PCLO: variants seen among roughly 807,000 people sequenced by gnomAD.
PCLO encodes the protein protein piccolo.
A neutral mutation model predicts 427.5 loss-of-function variants in PCLO; 82 were observed. That is an observed-to-expected ratio of 0.19 (90% confidence interval 0.16 to 0.23). PCLO has a LOEUF of 0.23. Among genes scored for constraint, PCLO ranks in the 10% least tolerant of loss-of-function variants. The pLI, the probability that PCLO is intolerant of heterozygous loss-of-function variation, is 1.00. For synonymous variants in PCLO, 2,357 were observed against 2,155.4 expected (o/e 1.09, Z -2.59); for missense variants, 6,239 against 6,115.9 (o/e 1.02, Z -0.67).
intron 3 of PCLO, among the ~76,000 whole-genome samples, chr7:82,969,892 T>C (rs1795863058): frequency 6.6e-6 from 1 of 152,100 alleles, no homozygotes; most frequent in African/African-American, 2.4e-5. Flanking sequence ...GGCCTTAAAA[T>C]AGATATGTTA....
intron 2 of PCLO, among the ~76,000 whole-genome samples, chr7:83,142,981 T>G (rs920078923): frequency 6.6e-6 from 1 of 152,160 alleles, no homozygotes. Context: ...CAAACACTTA[T>G]GCTTACTTTT....
Position 82,914,887 on chromosome 7 carries a change from C to A in PCLO, c.13099G>T (p.Val4367Phe). The change falls in exon 7 of 25, where the codon GTT becomes TTT. Residue 4367 changes from valine to phenylalanine, a missense_variant. Physicochemically the swap from Val to Phe is conservative, Grantham distance 50. Around this residue, in one of 5 missense-constraint regions of PCLO, gnomAD observed 680 missense variants for 677.3 expected, o/e 1.00. Coordinates refer to ENST00000333891, the MANE Select transcript of PCLO (RefSeq NM_033026.6). ...CTGGCCATTCCCATTGGCTGGCCAA[C>A]AGGACTGAGTGGGCTTTCTTCTTCA... ...NSEEESPLSP[V>F]GQPMGMARAA... 1 of 1,613,606 alleles carries A rather than the reference C, an allele frequency of 6.2e-7. No homozygotes were observed. Among genetic ancestry groups the A allele is most frequent in the Non-Finnish European group, 8.5e-7 (1 of 1,179,728 alleles).
chr7:83,041,476 G>A (rs1788971511), intron 3 of PCLO, among the ~76,000 whole-genome samples: 1 of 152,110 alleles, frequency 6.6e-6, no homozygotes, highest in African/African-American at 2.4e-5. Flanking sequence ...ATTATTTACT[G>A]TAACAGGGAG....
chr7:82,769,503 T>C (rs533911064), intron 22 of PCLO, among the ~76,000 whole-genome samples: 2 of 152,292 alleles, frequency 1.3e-5, no homozygotes, highest in African/African-American at 2.4e-5. Context: ...GTGAGTTTAC[T>C]GTCTCTCAGA....
rs1461879664 is a variant in PCLO at position 82,953,330 on chromosome 7, A to C, written c.7623T>G (p.Ser2541Arg). The C allele has an allele frequency of 6.2e-7, 1 of 1,613,796 alleles. No individual in the cohort carries two copies. Among genetic ancestry groups the C allele is most frequent in the East Asian group, 2.2e-5 (1 of 44,838 alleles). Residue 2541 changes from serine (S) to arginine (R), a missense_variant, in exon 5 of 25, where the codon AGT becomes AGG. By Grantham distance (110) the Ser-to-Arg change is moderately radical. Coordinates refer to ENST00000333891, the MANE Select transcript of PCLO (RefSeq NM_033026.6). ...PKPTGLSLTS[S>R]MTLNLVTSAD... is the part of the protein sequence containing the mutation. ...CTGAAGTCACTAAATTTAAGGTCAT[A>C]CTTGAAGTTAAAGATAGGCCTGTTG... is the stretch of plus-strand genomic sequence containing the variant.
intron 3 of PCLO, among the ~76,000 whole-genome samples, chr7:83,048,770 A>T (rs1789162160): frequency 6.6e-6 from 1 of 151,974 alleles, no homozygotes; most frequent in African/African-American, 2.4e-5. Context: ...CTCTATTCTC[A>T]CCTACTGATG....
At chr7:83,073,978 G>C (rs1215107885) in intron 3 of PCLO, among the ~76,000 whole-genome samples, 1 of 151,476 alleles carries the variant, frequency 6.6e-6, no homozygotes, top group Non-Finnish European at 1.5e-5. Flanking sequence ...TACCATTTGG[G>C]GGGTACTAAA....
chr7:83,022,927 C>A (rs1788381655), intron 3 of PCLO, among the ~76,000 whole-genome samples: 3 of 152,086 alleles, frequency 2.0e-5, no homozygotes, highest in Admixed American at 6.6e-5. Context: ...CTAGATCTTG[C>A]AAATTATCCT....
chr7:82,890,434 T>C (rs777240809), intron 9 of PCLO, among the ~76,000 whole-genome samples: 1 of 151,930 alleles, frequency 6.6e-6, no homozygotes, highest in Non-Finnish European at 1.5e-5. Flanking sequence ...CCACAGACTT[T>C]TCCCATACCT....
chr7:83,070,386 T>C (rs903680530), intron 3 of PCLO, among the ~76,000 whole-genome samples: 1 of 133,848 alleles, frequency 7.5e-6, no homozygotes, highest in Non-Finnish European at 1.5e-5. Context: ...CTACGTTTTG[T>C]GGTTTTTTTT....
chr7:82,953,781 C>A lies in PCLO; in HGVS notation c.7172G>T (p.Arg2391Leu). Residue 2391 changes from arginine to leucine, a missense_variant, in exon 5 of 25, where the codon CGC (arginine) becomes CTC (leucine). This residue lies in a region of PCLO where 4,677 missense variants were observed against 4,468.4 expected (regional missense o/e 1.05). Coordinates refer to ENST00000333891, the MANE Select transcript of PCLO (RefSeq NM_033026.6). Reference protein sequence around the residue: ...PSVSSLPAKPRPFFRSSSLDI... With the variant: ...PSVSSLPAKPLPFFRSSSLDI... ...CAAAGAAGAACTTCTAAAGAATGGG[C>A]GAGGTTTAGCTGGAAGAGAGGAAAC... The A allele has an allele frequency of 6.3e-7, 1 of 1,580,296 alleles. No homozygotes were observed. The highest frequency in any genetic ancestry group is 1.1e-5 in the South Asian group (1 of 87,750).
chr7:82,786,968 G>A (rs376091074), intron 22 of PCLO, among the ~76,000 whole-genome samples: 2 of 151,716 alleles, frequency 1.3e-5, no homozygotes, highest in Non-Finnish European at 2.9e-5. Flanking sequence ...TATGTGCCAC[G>A]TTTTCTTTAT....
chr7:83,039,781 T>C (rs1167787840), intron 3 of PCLO, among the ~76,000 whole-genome samples: 1 of 152,136 alleles, frequency 6.6e-6, no homozygotes, highest in East Asian at 1.9e-4. Flanking sequence ...TGGATGAAGT[T>C]GGAGAGCACT....
At chr7:82,865,873 C>T (rs2115946352) in intron 10 of PCLO, among the ~76,000 whole-genome samples, 1 of 152,188 alleles carries the variant, frequency 6.6e-6, no homozygotes, top group South Asian at 2.1e-4. Flanking sequence ...CTACTCTTTA[C>T]CTCTTTAAAA....
rs956375264 is a variant in PCLO at position 82,952,622 on chromosome 7, A to T, written c.8331T>A (p.Asn2777Lys). The T allele has an allele frequency of 6.2e-7, 1 of 1,613,892 alleles. No individual in the cohort carries two copies. Among genetic ancestry groups the T allele is most frequent in the African/African-American group, 1.3e-5 (1 of 75,036 alleles). The change falls in exon 5 of 25, where the codon AAT becomes AAA. Residue 2777 changes from asparagine (N) to lysine (K), a missense_variant. Asn to Lys is a moderately conservative substitution (Grantham distance 94, BLOSUM62 0). Around this residue, in one of 5 missense-constraint regions of PCLO, gnomAD observed 4,677 missense variants for 4,468.4 expected, o/e 1.05. Transcript: ENST00000333891. ...TCACTATTGATGATGTCACACTAAGATTTATAATAGAGGGTTGGACAGCAC... is the reference window on the plus strand; with the variant it reads ...TCACTATTGATGATGTCACACTAAGTTTTATAATAGAGGGTTGGACAGCAC... ...QISAVQPSII[N>K]LSVTSSIVTP...
rs1454371072 is a variant in PCLO at position 83,162,525 on chromosome 7, C to A, written c.68G>T (p.Gly23Val). Reference sequence around the variant, plus strand: ...GCTCCCCGCCCCGCTAGCTCCTCCTCCAGCCGCTGCGGCCGCCGCCAGCCC... The same window carrying A: ...GCTCCCCGCCCCGCTAGCTCCTCCTACAGCCGCTGCGGCCGCCGCCAGCCC... ...PEGLAAAAAA[G>V]GGASGAGSPS... Residue 23 changes from glycine (G) to valine (V), a missense_variant, in exon 1 of 25, where the codon GGA becomes GTA. By Grantham distance (109) the Gly-to-Val change is moderately radical. This residue lies in a region of PCLO where 4,677 missense variants were observed against 4,468.4 expected (regional missense o/e 1.05). Transcript: ENST00000333891. 1.9e-6 allele frequency: 3 copies of A among 1,556,668 alleles called. No homozygotes were observed. The highest frequency in any genetic ancestry group is 2.6e-6 in the Non-Finnish European group (3 of 1,151,372).
intron 3 of PCLO, among the ~76,000 whole-genome samples, chr7:82,993,548 T>C (rs1796426138): frequency 6.6e-6 from 1 of 152,078 alleles, no homozygotes; most frequent in Non-Finnish European, 1.5e-5. Context: ...GTGGAAATAA[T>C]TAACAAGCAG....
At chr7:83,095,515 C>T (rs1261951805) in intron 3 of PCLO, among the ~76,000 whole-genome samples, 1 of 151,600 alleles carries the variant, frequency 6.6e-6, no homozygotes, top group Admixed American at 6.6e-5. Context: ...AAGGTAGGAG[C>T]TTAGATTATT....
At chr7:82,964,664 A>T (rs1795724856) in intron 4 of PCLO, among the ~76,000 whole-genome samples, 1 of 152,210 alleles carries the variant, frequency 6.6e-6, no homozygotes, top group Non-Finnish European at 1.5e-5. Flanking sequence ...AGGGACAAAC[A>T]GTACCAAGCA....
Sources: allele counts gnomAD v4.1 joint callset (sites outside exome capture counted in the v4.1 genomes callset), GRCh38; gene constraint gnomAD v4.1.1; regional missense constraint gnomAD v4.1.1; transcripts MANE v1.5; gene names NCBI Gene and HGNC (gene_info 2026-07-23, HGNC 2026-07-21).